Variants in WDFY4 observed in about 807,000 individuals in gnomAD.
WDFY4 encodes WD repeat- and FYVE domain-containing protein 4.
Under a neutral mutation model 351.9 loss-of-function variants are expected in WDFY4, and 169 were observed. The ratio of observed to expected loss-of-function variants is 0.48; its 90% CI spans 0.42 to 0.55. The LOEUF (loss-of-function observed/expected upper bound fraction) is 0.55, where lower values mean the gene tolerates loss of function less well. WDFY4 is among the 20% of genes least tolerant of loss of function. The probability of loss-of-function intolerance (pLI) is 0.00; values close to 1 mark genes in which losing one functional copy is unlikely to be tolerated. For missense variants in WDFY4, 3,803 were observed against 3,935.6 expected (o/e 0.97, Z 0.90); for synonymous variants, 1,622 against 1,574.6 (o/e 1.03, Z -0.71).
Position 48,815,113 on chromosome 10 carries a change from G to C in WDFY4, c.5340+1031G>C, listed in dbSNP as rs192055563. On this transcript the variant is annotated intron_variant, in intron 31 of 61. Transcript: ENST00000325239. ...TATAGCAGGTCAAAGTGTGCCTTCAGGCGTTTTCTTTTGGATGTACTTCTC... is the reference window on the plus strand; with the variant it reads ...TATAGCAGGTCAAAGTGTGCCTTCACGCGTTTTCTTTTGGATGTACTTCTC... Among the ~76,000 whole-genome samples the C allele has an allele frequency of 3.9e-3, 593 of 152,264 alleles. 6 individuals are homozygous for C. The highest frequency in any genetic ancestry group is 0.01 in the Admixed American group (158 of 15,302).
chr10:48,721,479 G>C, intron 4 of WDFY4, 112 bp downstream of exon 4: 1 of 976,988 alleles, frequency 1.0e-6, no homozygotes, highest in Non-Finnish European at 1.6e-6. Flanking sequence ...TCATAAAACA[G>C]GTTTATTATT....
intron 12 of WDFY4, among the ~76,000 whole-genome samples, chr10:48,759,043 A>ATG (rs968011776): frequency 1.3e-5 from 2 of 151,942 alleles, no homozygotes; most frequent in African/African-American, 4.8e-5. Context: ...ATGAATATAT[A>ATG]TATATATATC....
Position 48,727,571 on chromosome 10 carries a change from G to C in WDFY4, c.883G>C (p.Val295Leu). 6.4e-7 allele frequency: 1 copy of C among 1,551,920 alleles called. No homozygotes were observed. The change falls in exon 7 of 62, where the codon GTG (valine) becomes CTG (leucine). Residue 295 changes from valine (V) to leucine (L), a missense_variant. By Grantham distance (32) the Val-to-Leu change is conservative (BLOSUM62 1). Coordinates refer to ENST00000325239, the MANE Select transcript of WDFY4 (RefSeq NM_001394531.1). Reference sequence around the variant, plus strand: ...GGCTGTAAGCCTGATCTTGGGATTCGTGAAGGACTCCTACCCCGTCTCCTC... The same window carrying C: ...GGCTGTAAGCCTGATCTTGGGATTCCTGAAGGACTCCTACCCCGTCTCCTC... ...SEAVSLILGF[V>L]KDSYPVSSAL...
intron 39 of WDFY4, among the ~76,000 whole-genome samples, chr10:48,844,626 G>A (rs139573431): frequency 0.011 from 1,623 of 152,244 alleles, 28 homozygotes; most frequent in African/African-American, 0.037. Flanking sequence ...TCCAGCCCTG[G>A]CCCAAGAGTG....
intron 1 of WDFY4, among the ~76,000 whole-genome samples, chr10:48,695,278 C>T (rs926266897): frequency 2.0e-5 from 3 of 152,194 alleles, no homozygotes; most frequent in Non-Finnish European, 4.4e-5. Flanking sequence ...GTGTGAGCTG[C>T]GGGCAGACAG....
chr10:48,912,573 CA>C (rs1838103577), intron 47 of WDFY4, among the ~76,000 whole-genome samples: 1 of 152,232 alleles, frequency 6.6e-6, no homozygotes, highest in African/African-American at 2.4e-5. Context: ...CTCCAGCTTG[CA>C]CCAGGCAAGC....
At chr10:48,783,312 A>C (rs975714256) in intron 19 of WDFY4, among the ~76,000 whole-genome samples, 1 of 152,118 alleles carries the variant, frequency 6.6e-6, no homozygotes, top group Admixed American at 6.5e-5. Context: ...ATGCTACATA[A>C]ATAGTTGTCA....
Position 48,806,011 on chromosome 10 carries a change from C to T in WDFY4, c.4654C>T (p.Leu1552=), listed in dbSNP as rs994101725. 1.2e-5 allele frequency: 19 copies of T among 1,551,574 alleles called. No individual in the cohort carries two copies. The highest frequency in any genetic ancestry group is 1.7e-5 in the Non-Finnish European group (19 of 1,146,992). The change falls in exon 27 of 62, where the codon CTG becomes TTG. Residue 1552 remains leucine (L), a synonymous_variant. Transcript: ENST00000325239. The part of the protein sequence containing the change: ...FSTQDLLRIG[L]FVVYTLKPSS... ...CTCTCCCTGTGTATAAAGGATTGGG[C>T]TGTTTGTTGTGTACACCCTCAAGCC...
chr10:48,771,338 G>A lies in WDFY4; in HGVS notation c.2554-3120G>A, dbSNP rs144233434. Among the ~76,000 whole-genome samples the A allele has an allele frequency of 1.8e-3, 275 of 152,210 alleles. 2 individuals are homozygous for A. Among genetic ancestry groups the A allele is most frequent in the Middle Eastern group, 0.017 (5 of 294 alleles). On this transcript the variant is annotated intron_variant, in intron 13 of 61. Coordinates refer to ENST00000325239, the MANE Select transcript of WDFY4 (RefSeq NM_001394531.1). The stretch of plus-strand genomic sequence containing the variant: ...GAGGGAACCCCTCAAATGACTGCCC[G>A]CGTGGAGAGGAGATGGTGGAATGAG...
At chr10:48,861,426 T>C (rs2069339590) in intron 39 of WDFY4, among the ~76,000 whole-genome samples, 1 of 152,228 alleles carries the variant, frequency 6.6e-6, no homozygotes, top group Non-Finnish European at 1.5e-5. Context: ...TAGAATGTGT[T>C]AATTTACCCT....
At chr10:48,779,756 C>T (rs2066157460) in intron 18 of WDFY4, among the ~76,000 whole-genome samples, 185 bp from the exon 19 acceptor site, 1 of 152,202 alleles carries the variant, frequency 6.6e-6, no homozygotes, top group Non-Finnish European at 1.5e-5. Context: ...AAAACTGGCA[C>T]AAAGGAAGAG....
At chr10:48,762,419 A>C (rs778462262) in intron 13 of WDFY4, among the ~76,000 whole-genome samples, 42 of 152,216 alleles carry the variant, frequency 2.8e-4, no homozygotes, top group Non-Finnish European at 4.9e-4. Context: ...AGCCAATGGC[A>C]GAGATACACA....
intron 12 of WDFY4, among the ~76,000 whole-genome samples, chr10:48,756,030 A>G (rs2065325878): frequency 1.3e-5 from 2 of 152,078 alleles, no homozygotes; most frequent in African/African-American, 4.8e-5. Flanking sequence ...ATACCATATA[A>G]ATGTTAATGA....
At chr10:48,720,267 C>A in intron 3 of WDFY4, 142 bp downstream of exon 3, 1 of 845,552 alleles carries the variant, frequency 1.2e-6, no homozygotes, top group Non-Finnish European at 1.8e-6. Context: ...CACTCTGCCA[C>A]TGAGTGCCTT....
intron 23 of WDFY4, among the ~76,000 whole-genome samples, chr10:48,793,651 C>T (rs2066755349): frequency 6.6e-6 from 1 of 152,152 alleles, no homozygotes. Flanking sequence ...TGTTTCACCC[C>T]CAGGCACATG....
intron 39 of WDFY4, among the ~76,000 whole-genome samples, chr10:48,841,366 G>A (rs1415535664): frequency 6.7e-6 from 1 of 148,836 alleles, no homozygotes; most frequent in Non-Finnish European, 1.5e-5. Context: ...GTTTGTATTT[G>A]TGTCCTTCAT....
chr10:48,970,977 AT>A (rs1235821227), intron 57 of WDFY4, among the ~76,000 whole-genome samples: 2 of 152,050 alleles, frequency 1.3e-5, no homozygotes, highest in African/African-American at 2.4e-5. Flanking sequence ...CTGTATACTA[AT>A]TTTTTTCTAT....
rs190467716 is a variant in WDFY4 at position 48,813,600 on chromosome 10, T to A, written c.5215-357T>A. Among the ~76,000 whole-genome samples the A allele has an allele frequency of 2.8e-3, 423 of 152,318 alleles. 2 individuals are homozygous for A. The highest frequency in any genetic ancestry group is 9.5e-3 in the African/African-American group (394 of 41,562). On this transcript the variant is annotated intron_variant, in intron 30 of 61. Transcript: ENST00000325239. ...AAACCCTAAGTTTAGAATCTCTCTA[T>A]ACCTCTACATGCTGAAGTTTCCCCT...
At chr10:48,886,100 A>C (rs2070445889) in intron 43 of WDFY4, among the ~76,000 whole-genome samples, 1 of 152,168 alleles carries the variant, frequency 6.6e-6, no homozygotes, top group Admixed American at 6.5e-5. Context: ...GTACACACAA[A>C]CGTAAGGGAA....
Sources: gnomAD v4.1 joint callset for allele counts (sites outside exome capture counted in the v4.1 genomes callset) on GRCh38, gnomAD v4.1.1 for gene constraint, MANE v1.5 for transcripts, NCBI Gene and HGNC (gene_info 2026-07-23, HGNC 2026-07-21) for gene names.